NTM: variants seen among roughly 807,000 people sequenced by gnomAD.
The protein encoded by NTM is neurotrimin.
A neutral mutation model predicts 42.1 loss-of-function variants in NTM; 13 were observed. The ratio of observed to expected loss-of-function variants is 0.31; its 90% CI spans 0.20 to 0.49. The LOEUF (loss-of-function observed/expected upper bound fraction) is 0.49, where lower values mean the gene tolerates loss of function less well. NTM is among the 20% of genes least tolerant of loss of function. The pLI is 0.99. For missense variants in NTM, 373 were observed against 452.8 expected (o/e 0.82, Z 1.60); for synonymous variants, 187 against 179.2 (o/e 1.04, Z -0.35).
intron 2 of NTM, among the ~76,000 whole-genome samples, chr11:132,139,546 G>T (rs1242483735): frequency 1.3e-5 from 2 of 152,166 alleles, no homozygotes; most frequent in Non-Finnish European, 2.9e-5. Flanking sequence ...AAGGACAGGT[G>T]GTAGGTGTGC....
chr11:132,253,563 T>A (rs1469766304), intron 4 of NTM, among the ~76,000 whole-genome samples: 1 of 152,208 alleles, frequency 6.6e-6, no homozygotes, highest in Non-Finnish European at 1.5e-5. Context: ...AACAAAAATC[T>A]GAAAATTATC....
chr11:131,638,633 G>T (rs1448402384), intron 1 of NTM, among the ~76,000 whole-genome samples: 3 of 148,520 alleles, frequency 2.0e-5, no homozygotes, highest in Non-Finnish European at 4.4e-5. Context: ...TTCTGGAATT[G>T]CTCTGATAAA....
At chr11:131,835,970 A>G (rs2043434210) in intron 1 of NTM, among the ~76,000 whole-genome samples, 1 of 152,172 alleles carries the variant, frequency 6.6e-6, no homozygotes, top group African/African-American at 2.4e-5. Context: ...TTTATACCAA[A>G]TGATTCTGTT....
chr11:131,857,245 C>T (rs1025475675), intron 1 of NTM, among the ~76,000 whole-genome samples: 1 of 152,188 alleles, frequency 6.6e-6, no homozygotes, highest in Non-Finnish European at 1.5e-5. Context: ...GTTGCCATCT[C>T]TGTCTTCCAT....
At chr11:132,266,039 G>C (rs768212206) in intron 4 of NTM, among the ~76,000 whole-genome samples, 1 of 152,182 alleles carries the variant, frequency 6.6e-6, no homozygotes. Flanking sequence ...AAAACATGAA[G>C]CAGGACAGAG....
chr11:131,497,442 CT>C (rs1350832186), intron 1 of NTM, among the ~76,000 whole-genome samples: 1 of 152,232 alleles, frequency 6.6e-6, no homozygotes, highest in Non-Finnish European at 1.5e-5. Context: ...CCGCCTTGGC[CT>C]TCCAAAGTGC....
Position 132,335,884 on chromosome 11 carries a change from GAGA to G in NTM, c.*741_*743del, listed in dbSNP as rs1043195997. ...AAAAAATACAACTGAGAAGGGTGAA[GAGA>G]AGTATGTTTGTTAAACAGTAAAAAT... On this transcript the variant is annotated 3_prime_UTR_variant, in exon 9 of 9. Transcript: ENST00000683400. The G allele has an allele frequency of 2.0e-5, 3 of 152,568 alleles. No individual in the cohort carries two copies. The highest frequency in any genetic ancestry group is 7.2e-5 in the African/African-American group (3 of 41,430). 9.5% of individuals were successfully genotyped at this position (152,568 alleles called of 1,614,324 possible). A position where few individuals can be genotyped will look rare whatever the true frequency, so the allele number is the denominator to read the frequency against.
chr11:131,394,933 C>A (rs1944393044), intron 1 of NTM, among the ~76,000 whole-genome samples: 1 of 152,194 alleles, frequency 6.6e-6, no homozygotes, highest in African/African-American at 2.4e-5. Context: ...TCAATCCTTG[C>A]CCTCATGGTG....
chr11:131,538,571 G>T (rs2052647885), intron 1 of NTM: 1 of 152,346 alleles, frequency 6.6e-6, no homozygotes, highest in Non-Finnish European at 1.5e-5. Context: ...GTTAGTGCCT[G>T]ATCACGGGGC....
intron 1 of NTM, among the ~76,000 whole-genome samples, chr11:131,720,632 CTT>C (rs776289118): frequency 2.0e-5 from 3 of 152,216 alleles, no homozygotes; most frequent in African/African-American, 2.4e-5. Flanking sequence ...GACTTGAACT[CTT>C]TCTATGACAT....
At chr11:131,418,313 G>C (rs10894389) in intron 1 of NTM, among the ~76,000 whole-genome samples, 1 of 152,152 alleles carries the variant, frequency 6.6e-6, no homozygotes, top group Non-Finnish European at 1.5e-5. Flanking sequence ...CAAAGGCAGC[G>C]TTTTGCATGG....
chr11:131,811,269 T>G (rs747798996), intron 1 of NTM, among the ~76,000 whole-genome samples: 2 of 152,210 alleles, frequency 1.3e-5, no homozygotes, highest in African/African-American at 2.4e-5. Flanking sequence ...TCATCCTTTG[T>G]GTCCTCATAG....
rs183662774 is a variant in NTM, at chr11:132,025,323, G to A, written c.167+113675G>A. The stretch of plus-strand genomic sequence containing the variant: ...GGTGGTCAGTCTGTTCTACATTTTA[G>A]CAGTCTACCCAATTATTGAAGTCTT... On this transcript the variant is annotated intron_variant, in intron 2 of 8. Coordinates refer to ENST00000683400, the MANE Select transcript of NTM (RefSeq NM_001352005.2). Among the ~76,000 whole-genome samples the A allele has an allele frequency of 2.7e-4, 41 of 152,298 alleles. 1 individual carries two copies. Among genetic ancestry groups the A allele is most frequent in the African/African-American group, 8.4e-4 (35 of 41,564 alleles).
At chr11:131,739,619 C>T (rs756160235) in intron 1 of NTM, among the ~76,000 whole-genome samples, 1 of 152,166 alleles carries the variant, frequency 6.6e-6, no homozygotes, top group Non-Finnish European at 1.5e-5. Flanking sequence ...CTCAGTGCCA[C>T]GTTTTGGAAC....
chr11:132,047,575 G>A (rs566763240), intron 2 of NTM, among the ~76,000 whole-genome samples: 3 of 152,294 alleles, frequency 2.0e-5, no homozygotes, highest in East Asian at 1.9e-4. Context: ...CCTGGTCTGC[G>A]AGGCAGGGGA....
chr11:131,388,185 A>C (rs1292446144), intron 1 of NTM, among the ~76,000 whole-genome samples: 2 of 152,018 alleles, frequency 1.3e-5, no homozygotes, highest in African/African-American at 4.8e-5. Flanking sequence ...TCTCTCGAAT[A>C]CTCTCACCTT....
intron 1 of NTM, among the ~76,000 whole-genome samples, chr11:131,791,564 C>T (rs2090946743): frequency 1.3e-5 from 2 of 152,208 alleles, no homozygotes; most frequent in African/African-American, 4.8e-5. Flanking sequence ...GCCCCTCAGG[C>T]TCCTTCACAA....
At chr11:132,070,676 C>T (rs1165861308) in intron 2 of NTM, among the ~76,000 whole-genome samples, 3 of 140,568 alleles carry the variant, frequency 2.1e-5, no homozygotes, top group Non-Finnish European at 4.7e-5. Context: ...GTCACACAGC[C>T]AAGTTAACAC....
intron 1 of NTM, among the ~76,000 whole-genome samples, chr11:131,598,773 T>TTTTCTTCCTTCCTTC (rs1565685775): frequency 1.2e-5 from 1 of 86,564 alleles, no homozygotes; most frequent in Non-Finnish European, 2.8e-5. Context: ...TTTTTTTCTT[T>TTTTCTTCCTTCCTTC]CTTTCTTTCT....
Sources: gnomAD v4.1 joint callset for allele counts (sites outside exome capture counted in the v4.1 genomes callset) on GRCh38, gnomAD v4.1.1 for gene constraint, MANE v1.5 for transcripts, NCBI Gene and HGNC (gene_info 2026-07-23, HGNC 2026-07-21) for gene names.